The following BCCIP variants were observed in gnomAD, a reference collection of about 807,000 sequenced individuals.
The protein encoded by BCCIP is BRCA2 and CDKN1A interacting protein.
In BCCIP, 23 loss-of-function variants were observed where a neutral mutation model predicts 32.8. That is an observed-to-expected ratio of 0.70 (90% confidence interval 0.51 to 0.99). The LOEUF is 0.99. BCCIP is among the 50% of genes least tolerant of loss of function. The probability of loss-of-function intolerance (pLI) is 0.00; values close to 1 mark genes in which losing one functional copy is unlikely to be tolerated. For missense variants in BCCIP, 378 were observed against 379.8 expected (o/e 1.00, Z 0.04); for synonymous variants, 144 against 137.6 (o/e 1.05, Z -0.33).
chr10:125,836,746 T>A, downstream of BCCIP: 1 of 1,614,198 alleles, frequency 6.2e-7, no homozygotes, highest in Non-Finnish European at 8.5e-7. Flanking sequence ...TGCTGTTCCT[T>A]ATTCATTGTT....
downstream of BCCIP, chr10:125,836,669 C>G: frequency 6.2e-7 from 1 of 1,612,118 alleles, no homozygotes; most frequent in East Asian, 2.2e-5. Context: ...CCTGCTGCAC[C>G]TTGTGTTTGC....
chr10:125,845,953 G>T (rs1318536803), downstream of BCCIP, among the ~76,000 whole-genome samples: 4 of 152,182 alleles, frequency 2.6e-5, no homozygotes, highest in African/African-American at 4.8e-5. Flanking sequence ...GGCACCTCCT[G>T]ATCCTCTCGA....
chr10:125,833,894 AAAAG>A lies in BCCIP; in HGVS notation c.727_730del (p.Lys243LeufsTer3), dbSNP rs1319689150. 1.5e-5 allele frequency: 24 copies of A among 1,614,164 alleles called. No individual in the cohort carries two copies. The highest frequency in any genetic ancestry group is 1.8e-5 in the Non-Finnish European group (21 of 1,180,056). ...AATTCCAAAAAGAAACCTAGCAACA[AAAAG>A]AAAGCTGCGTTAATGTTTGCAAATG... On this transcript the variant is annotated frameshift_variant, in exon 6 of 7. Coordinates refer to ENST00000278100, the MANE Select transcript of BCCIP (RefSeq NM_078468.3). LOFTEE classifies it high-confidence loss of function.
intron 6 of BCCIP, among the ~76,000 whole-genome samples, chr10:125,834,765 C>A (rs1409151319): frequency 2.7e-5 from 4 of 145,912 alleles, no homozygotes; most frequent in African/African-American, 1.0e-4. Flanking sequence ...GAGCCGAGAT[C>A]GCGCCACTGC....
chr10:125,826,253 A>G, intron 1 of BCCIP: 1 of 277,998 alleles, frequency 3.6e-6, no homozygotes. Flanking sequence ...AATATTTGCT[A>G]AGCAAATGTA....
At chr10:125,847,705 C>T (rs770953801), downstream of BCCIP, among the ~76,000 whole-genome samples, 1 of 152,152 alleles carries the variant, frequency 6.6e-6, no homozygotes, top group Non-Finnish European at 1.5e-5. Context: ...TACAACTCAT[C>T]ATAGTGTAGA....
chr10:125,823,575 G>A lies in BCCIP; in HGVS notation c.18G>A (p.Lys6=). The A allele has an allele frequency of 1.2e-6, 2 of 1,613,922 alleles. No individual in the cohort carries two copies. Among genetic ancestry groups the A allele is most frequent in the South Asian group, 1.1e-5 (1 of 91,068 alleles). The change falls in exon 1 of 7, where the codon AAG becomes AAA. Residue 6 remains lysine (K), a synonymous_variant. Coordinates refer to ENST00000278100, the MANE Select transcript of BCCIP (RefSeq NM_078468.3). The part of the protein sequence containing the change: MASRS[K]RRAVESGVPQ... ...GCGGCAACATGGCGTCCAGGTCTAAGCGGCGTGCCGTGGAAAGTGGGGTTC... is the reference window on the plus strand; with the variant it reads ...GCGGCAACATGGCGTCCAGGTCTAAACGGCGTGCCGTGGAAAGTGGGGTTC...
At chr10:125,846,947 AC>A (rs572652736), downstream of BCCIP, among the ~76,000 whole-genome samples, 473 of 152,210 alleles carry the variant, frequency 3.1e-3, 2 homozygotes, top group African/African-American at 0.011. Context: ...GGGGTTGGAG[AC>A]CCCTGCATTA....
At chr10:125,837,001 C>T, downstream of BCCIP, 1 of 685,534 alleles carries the variant, frequency 1.5e-6, no homozygotes, top group South Asian at 2.0e-5. Context: ...CTCAGTCCGA[C>T]TTTGTAAAAT....
intron 7 of BCCIP, chr10:125,852,617 T>G (rs201263763): frequency 1.9e-6 from 3 of 1,612,092 alleles, no homozygotes; most frequent in Non-Finnish European, 2.5e-6. Context: ...GACGAGCGAG[T>G]TTGCTCTTAT....
intron 1 of BCCIP, 59 bp downstream of exon 1, chr10:125,823,781 CA>C (rs1346085310): frequency 6.3e-7 from 1 of 1,592,612 alleles, no homozygotes; most frequent in African/African-American, 1.3e-5. Context: ...TTGGCAAGCC[CA>C]GGCTGTGTAA....
chr10:125,835,120 G>A (rs918887429), intron 6 of BCCIP, among the ~76,000 whole-genome samples: 16 of 151,646 alleles, frequency 1.1e-4, no homozygotes, highest in African/African-American at 1.7e-4. Flanking sequence ...GCGACAGAGC[G>A]AGACTCTGTC....
At chr10:125,836,040 G>A (rs918552939) in intron 6 of BCCIP, 64 bp from the exon 7 acceptor site, 4 of 1,414,466 alleles carry the variant, frequency 2.8e-6, no homozygotes, top group African/African-American at 1.4e-5. Context: ...CTTTGCCGTA[G>A]ATCAAATGGG....
At chr10:125,852,318 G>A in intron 7 of BCCIP, 1 of 1,614,132 alleles carries the variant, frequency 6.2e-7, no homozygotes, top group East Asian at 2.2e-5. Context: ...AGTCACAGTG[G>A]CCTAGGCCCG....
chr10:125,848,433 A>T (rs1030309657), intron 7 of BCCIP, among the ~76,000 whole-genome samples: 3 of 152,200 alleles, frequency 2.0e-5, no homozygotes, highest in African/African-American at 7.2e-5. Context: ...AATTTTACAG[A>T]TGAGAAAAAG....
downstream of BCCIP, among the ~76,000 whole-genome samples, chr10:125,843,699 C>T (rs1854940797): frequency 6.6e-6 from 1 of 152,214 alleles, no homozygotes; most frequent in Non-Finnish European, 1.5e-5. Context: ...GAAGCCACTA[C>T]TGTAGGCTGG....
downstream of BCCIP, chr10:125,841,542 TTTC>T: frequency 1.4e-6 from 2 of 1,428,878 alleles, no homozygotes; most frequent in Non-Finnish European, 1.8e-6. Context: ...TTGAGTTAGT[TTTC>T]TTAAGATAAT....
At chr10:125,827,700 C>A (rs2134007603) in intron 3 of BCCIP, 62 bp downstream of exon 3, 1 of 1,281,992 alleles carries the variant, frequency 7.8e-7, no homozygotes, top group Non-Finnish European at 1.1e-6. Flanking sequence ...CATGCTGGGC[C>A]TCACCATGCT....
At chr10:125,838,179 C>T, downstream of BCCIP, 1 of 1,527,942 alleles carries the variant, frequency 6.5e-7, no homozygotes, top group Non-Finnish European at 8.7e-7. Flanking sequence ...AAAAAAAATA[C>T]AACCCTTTCT....
Sources: allele counts gnomAD v4.1 joint callset (sites outside exome capture counted in the v4.1 genomes callset), GRCh38; gene constraint gnomAD v4.1.1; transcripts MANE v1.5; gene names NCBI Gene and HGNC (gene_info 2026-07-23, HGNC 2026-07-21).